Variants in PCDH9 observed in about 807,000 individuals in gnomAD.
The protein encoded by PCDH9 is protocadherin 9.
PCDH9 carries 24 observed loss-of-function variants against 70.6 expected under a neutral mutation model. That is an observed-to-expected ratio of 0.34 (90% CI 0.25 to 0.48). The LOEUF is 0.48. Ranked by LOEUF, PCDH9 falls within the 20% of genes least tolerant of loss-of-function variation. The pLI, the probability that PCDH9 is intolerant of heterozygous loss-of-function variation, is 0.99. For synonymous variants in PCDH9, 562 were observed against 558.5 expected (o/e 1.01, Z -0.09); for missense variants, 1,281 against 1,503.6 (o/e 0.85, Z 2.45).
intron 4 of PCDH9, among the ~76,000 whole-genome samples, chr13:66,617,872 C>G (rs1005095423): frequency 1.3e-5 from 2 of 151,790 alleles, no homozygotes; most frequent in Admixed American, 6.5e-5. Flanking sequence ...TTCCACAAAA[C>G]GGCGTCCCCT....
intron 3 of PCDH9, among the ~76,000 whole-genome samples, chr13:66,633,262 A>C (rs937925476): frequency 5.9e-5 from 9 of 152,214 alleles, no homozygotes; most frequent in Non-Finnish European, 1.3e-4. Flanking sequence ...CTTCATGCAC[A>C]TGTATCTCAA....
chr13:67,059,310 G>T (rs964083148), intron 2 of PCDH9, among the ~76,000 whole-genome samples: 7 of 144,684 alleles, frequency 4.8e-5, no homozygotes, highest in Non-Finnish European at 1.1e-4. Flanking sequence ...TCAATGGCGA[G>T]ACAGGAGTAA....
chr13:66,748,900 G>A (rs2079414175), intron 3 of PCDH9, among the ~76,000 whole-genome samples: 1 of 152,162 alleles, frequency 6.6e-6, no homozygotes, highest in Admixed American at 6.5e-5. Flanking sequence ...GCAGGACTAG[G>A]TGGAGATAAG....
intron 3 of PCDH9, among the ~76,000 whole-genome samples, chr13:66,901,143 T>C (rs913595384): frequency 2.0e-5 from 3 of 151,744 alleles, no homozygotes; most frequent in African/African-American, 7.2e-5. Flanking sequence ...ACATCACTTA[T>C]CTGTTTTCTT....
At chr13:66,753,877 A>T (rs2079498412) in intron 3 of PCDH9, among the ~76,000 whole-genome samples, 1 of 152,236 alleles carries the variant, frequency 6.6e-6, no homozygotes, top group Non-Finnish European at 1.5e-5. Flanking sequence ...CATGGGGATG[A>T]ATAAATATTG....
At chr13:66,974,453 T>A (rs953996199) in intron 2 of PCDH9, among the ~76,000 whole-genome samples, 19 of 151,946 alleles carry the variant, frequency 1.3e-4, no homozygotes, top group Non-Finnish European at 2.6e-4. Flanking sequence ...GAGGAAGGCT[T>A]GCCTCCATCT....
intron 3 of PCDH9, among the ~76,000 whole-genome samples, chr13:66,829,509 T>C (rs1416814776): frequency 6.6e-6 from 1 of 152,012 alleles, no homozygotes; most frequent in Non-Finnish European, 1.5e-5. Flanking sequence ...TGGTGATAGT[T>C]ACATAACTGT....
chr13:66,831,574 G>A (rs1052732895), intron 3 of PCDH9, among the ~76,000 whole-genome samples: 3 of 152,144 alleles, frequency 2.0e-5, no homozygotes, highest in South Asian at 2.1e-4. Context: ...TATTAAAGCC[G>A]AGAACATTTA....
rs1265575629 is a variant in PCDH9 at position 66,536,230 on chromosome 13, G to A, written c.3340+94980C>T. ...TGGGTTTATAAGGCGAGTTATTTAA[G>A]GTCTTACACCTCAGGGAGTACAACA... is the stretch of plus-strand genomic sequence containing the variant. On this transcript the variant is annotated intron_variant, in intron 4 of 4. Coordinates refer to ENST00000377865, the MANE Select transcript of PCDH9 (RefSeq NM_203487.3). Among the ~76,000 whole-genome samples, 3 of 151,928 alleles carry A rather than the reference G, an allele frequency of 2.0e-5. No homozygotes were observed. In the South Asian group the frequency reaches 6.3e-4, roughly 32 times the overall value.
intron 4 of PCDH9, among the ~76,000 whole-genome samples, chr13:66,353,999 T>G (rs1378158946): frequency 1.3e-5 from 2 of 152,176 alleles, no homozygotes; most frequent in African/African-American, 4.8e-5. Context: ...AGCTCCACAT[T>G]AATGTGAAAA....
rs2087370599 is a variant in PCDH9, at chr13:67,140,974, T to C, written c.3036+84431A>G. On this transcript the variant is annotated intron_variant, in intron 2 of 4. Transcript: ENST00000377865. Reference sequence around the variant, plus strand: ...TTCCCCCTCATTTTTTTCTGTAATATTTACTCTCTTGCTATTGTATGTATT... The same window carrying C: ...TTCCCCCTCATTTTTTTCTGTAATACTTACTCTCTTGCTATTGTATGTATT... Among the ~76,000 whole-genome samples, 9 of 152,294 alleles carry C rather than the reference T, an allele frequency of 5.9e-5. No homozygotes were observed. In the South Asian group the frequency reaches 1.9e-3, roughly 32 times the overall value.
At chr13:66,605,840 C>T (rs912830887) in intron 4 of PCDH9, among the ~76,000 whole-genome samples, 1 of 152,004 alleles carries the variant, frequency 6.6e-6, no homozygotes, top group Non-Finnish European at 1.5e-5. Context: ...ACTTCATACA[C>T]CATGTGCTAG....
chr13:67,227,307 A>G lies in PCDH9; in HGVS notation c.1134T>C (p.Pro378=). Reference sequence around the variant, plus strand: ...TAATTAGGGCAATCTTTGTATTGACAGGATCTTTCTCAGATAAATACACGG... The same window carrying G: ...TAATTAGGGCAATCTTTGTATTGACGGGATCTTTCTCAGATAAATACACGG... ...NGTVYLSEKD[P]VNTKIALITV... The change falls in exon 2 of 5, where the codon CCT becomes CCC. Residue 378 remains proline (P), a synonymous_variant. Coordinates refer to ENST00000377865, the MANE Select transcript of PCDH9 (RefSeq NM_203487.3). This position sits in a 1 kb window ranked among gnomAD's most constrained non-coding sequence, Gnocchi z 4.6. The G allele has an allele frequency of 6.2e-7, 1 of 1,613,710 alleles. No individual in the cohort carries two copies. Among genetic ancestry groups the G allele is most frequent in the Non-Finnish European group, 8.5e-7 (1 of 1,179,598 alleles).
chr13:66,480,926 A>G (rs1958823400), intron 4 of PCDH9, among the ~76,000 whole-genome samples: 1 of 152,170 alleles, frequency 6.6e-6, no homozygotes, highest in South Asian at 2.1e-4. Flanking sequence ...CCCATCAATG[A>G]TAGACTGGAT....
chr13:66,907,595 T>C (rs1468331037), intron 2 of PCDH9, among the ~76,000 whole-genome samples: 4 of 152,216 alleles, frequency 2.6e-5, no homozygotes, highest in African/African-American at 9.6e-5. Context: ...CAGGTATTTT[T>C]ACTCTTTCAT....
intron 2 of PCDH9, chr13:67,220,973 G>A (rs1407436114): frequency 1.3e-5 from 2 of 151,986 alleles, no homozygotes; most frequent in Non-Finnish European, 2.9e-5. Context: ...TCAAAAATCT[G>A]TGTTAATATC....
chr13:66,333,107 A>G (rs1482377428), intron 4 of PCDH9, among the ~76,000 whole-genome samples: 2 of 152,014 alleles, frequency 1.3e-5, no homozygotes, highest in Non-Finnish European at 2.9e-5. Context: ...TGCAAGGAAG[A>G]CTTTCTTACT....
At chr13:66,543,353 G>A (rs1005858579) in intron 4 of PCDH9, among the ~76,000 whole-genome samples, 3 of 151,986 alleles carry the variant, frequency 2.0e-5, no homozygotes, top group Admixed American at 6.6e-5. Context: ...GGTGGATCAC[G>A]AGGTCAGGAG....
At chr13:66,639,594 T>A (rs1428982317) in intron 3 of PCDH9, among the ~76,000 whole-genome samples, 1 of 145,756 alleles carries the variant, frequency 6.9e-6, no homozygotes, top group Non-Finnish European at 1.5e-5. Context: ...TTGGGTGTAG[T>A]CTTGGTGCTT....
Sources: allele counts gnomAD v4.1 joint callset (sites outside exome capture counted in the v4.1 genomes callset), GRCh38; gene constraint gnomAD v4.1.1; non-coding constraint Gnocchi (gnomAD v3.1); transcripts MANE v1.5; gene names NCBI Gene and HGNC (gene_info 2026-07-23, HGNC 2026-07-21).